The following GRM7 variants were observed in gnomAD, a reference collection of about 807,000 sequenced individuals.
GRM7 encodes the protein glutamate metabotropic receptor 7.
Under a neutral mutation model 84.5 loss-of-function variants are expected in GRM7, and 35 were observed. The ratio of observed to expected loss-of-function variants is 0.41; its 90% confidence interval spans 0.32 to 0.55. The LOEUF is 0.55. Among genes scored for constraint, GRM7 ranks in the 20% least tolerant of loss-of-function variants. GRM7 has a pLI of 0.19. For synonymous variants in GRM7, 487 were observed against 455.1 expected, an observed-to-expected ratio of 1.07 and a Z score of -0.89; for missense variants, 1,003 against 1,194.6, an observed-to-expected ratio of 0.84 and a Z score of 2.36.
chr3:6,867,014 G>A (rs977409733), intron 1 of GRM7, among the ~76,000 whole-genome samples: 3 of 152,202 alleles, frequency 2.0e-5, no homozygotes, highest in Non-Finnish European at 4.4e-5. Context: ...ATATAGTCAA[G>A]TAGATGTGAG....
At chr3:7,045,220 G>A (rs1363442904) in intron 1 of GRM7, among the ~76,000 whole-genome samples, 5 of 152,124 alleles carry the variant, frequency 3.3e-5, no homozygotes, top group African/African-American at 1.2e-4. Flanking sequence ...TTAAAGTGTA[G>A]GTAGTCTAGT....
rs1697143891 is a variant in GRM7, at chr3:6,922,021, G to A, written c.519+60114G>A. Among the ~76,000 whole-genome samples the A allele has an allele frequency of 1.3e-5, 2 of 152,210 alleles. 1 individual carries two copies. The highest frequency in any genetic ancestry group is 4.1e-4 in the South Asian group (2 of 4,836). On this transcript the variant is annotated intron_variant, in intron 1 of 9. Transcript: ENST00000357716. ...GATCACAATTCTTCTTCCAGGAACA[G>A]GTTGGAGGGCCGTGGGGTTAGGTTT... is the stretch of plus-strand genomic sequence containing the variant.
intron 1 of GRM7, among the ~76,000 whole-genome samples, chr3:6,989,475 GGC>G (rs1694552364): frequency 6.6e-6 from 1 of 152,148 alleles, no homozygotes; most frequent in African/African-American, 2.4e-5. Context: ...ATATGTTTAT[GGC>G]TATCATATAT....
At chr3:6,891,623 C>T (rs945926213) in intron 1 of GRM7, among the ~76,000 whole-genome samples, 2 of 152,130 alleles carry the variant, frequency 1.3e-5, no homozygotes, top group African/African-American at 4.8e-5. Context: ...GATGGGCTTC[C>T]CTTTGTGGGT....
chr3:7,695,905 G>C (rs1442867363), intron 9 of GRM7, among the ~76,000 whole-genome samples: 1 of 152,080 alleles, frequency 6.6e-6, no homozygotes, highest in Non-Finnish European at 1.5e-5. Flanking sequence ...GGATACCTGT[G>C]GCTATTTAAA....
At chr3:7,013,568 A>G (rs1395244094) in intron 1 of GRM7, among the ~76,000 whole-genome samples, 2 of 152,136 alleles carry the variant, frequency 1.3e-5, no homozygotes, top group African/African-American at 4.8e-5. Context: ...AATTTTCTTT[A>G]AGTACATATC....
At chr3:7,230,127 C>T (rs1329180807) in intron 2 of GRM7, among the ~76,000 whole-genome samples, 1 of 151,964 alleles carries the variant, frequency 6.6e-6, no homozygotes, top group African/African-American at 2.4e-5. Flanking sequence ...GCATGAGCCA[C>T]CGCGCCTGGC....
chr3:7,089,813 C>T lies in GRM7; in HGVS notation c.520-56639C>T, dbSNP rs142288532. Among the ~76,000 whole-genome samples, 55 of 152,214 alleles carry T rather than the reference C, an allele frequency of 3.6e-4. No individual in the cohort carries two copies. The East Asian group carries it at 5.4e-3, about 15-fold the overall frequency. On this transcript the variant is annotated intron_variant, in intron 1 of 9. Transcript: ENST00000357716. ...TGAGATAGCCCTGACTAGAGTAATG[C>T]GAGAGGATCACATTAAATGATTAAA... is the stretch of plus-strand genomic sequence containing the variant.
intron 7 of GRM7, among the ~76,000 whole-genome samples, chr3:7,550,392 G>T (rs1325427854): frequency 3.7e-5 from 5 of 133,584 alleles, no homozygotes; most frequent in Admixed American, 8.0e-5. Context: ...CCTTTTGCTT[G>T]CTTTCTTTCT....
At chr3:7,453,598 T>A (rs999842165) in intron 6 of GRM7, among the ~76,000 whole-genome samples, 6 of 151,918 alleles carry the variant, frequency 3.9e-5, no homozygotes, top group Non-Finnish European at 8.8e-5. Flanking sequence ...GTCCTGAGAG[T>A]AGGAGTTTCT....
At chr3:7,614,256 C>T (rs572622989) in intron 8 of GRM7, among the ~76,000 whole-genome samples, 1 of 152,142 alleles carries the variant, frequency 6.6e-6, no homozygotes, top group Admixed American at 6.5e-5. Flanking sequence ...CAGAGTGAGA[C>T]TCTGTCTCTA....
chr3:6,910,561 A>G (rs1696732400), intron 1 of GRM7, among the ~76,000 whole-genome samples: 1 of 152,144 alleles, frequency 6.6e-6, no homozygotes, highest in African/African-American at 2.4e-5. Flanking sequence ...CTCCACCTAA[A>G]TACAGTGAGC....
intron 6 of GRM7, among the ~76,000 whole-genome samples, chr3:7,457,694 G>T (rs1360155731): frequency 1.3e-5 from 2 of 152,138 alleles, no homozygotes; most frequent in Non-Finnish European, 2.9e-5. Flanking sequence ...AAGTAGCACT[G>T]TGACTTCTAA....
In GRM7 at chr3:7,556,466, A is replaced by G. The variant is rs6787095; in HGVS notation, c.1516-21956A>G. Among the ~76,000 whole-genome samples the G allele has an allele frequency of 5.8e-3, 876 of 152,294 alleles. 9 individuals carry two copies. The highest frequency in any genetic ancestry group is 0.02 in the African/African-American group (830 of 41,566). On this transcript the variant is annotated intron_variant, in intron 7 of 9. Coordinates refer to ENST00000357716, the MANE Select transcript of GRM7 (RefSeq NM_000844.4). ...ATTTTTGCAGTGCCCAAAAAATTGC[A>G]TGGCACATAGTAAACTATGCTACCT...
rs531827872 is a variant in GRM7, at chr3:6,969,006, A to G, written c.519+107099A>G. 1.8e-4 allele frequency among the ~76,000 whole-genome samples: 28 copies of G among 152,260 alleles called. No individual in the cohort carries two copies. In the East Asian group the frequency reaches 5.4e-3, roughly 29 times the overall value. On this transcript the variant is annotated intron_variant, in intron 1 of 9. Transcript: ENST00000357716. ...TCCTGCCTAACTCACTCCAATTTCA[A>G]TGATGTCATGTTAGTAGCATAAATT... is the stretch of plus-strand genomic sequence containing the variant.
At chr3:7,726,352 C>G (rs1293018355) in intron 9 of GRM7, among the ~76,000 whole-genome samples, 2 of 151,820 alleles carry the variant, frequency 1.3e-5, no homozygotes, top group Admixed American at 6.6e-5. Flanking sequence ...CTACCTATAT[C>G]TTGTTGTTAA....
rs145084437 is a variant in GRM7 at position 7,652,593 on chromosome 3, C to G, written c.2452-27456C>G. On this transcript the variant is annotated intron_variant, in intron 8 of 9. Coordinates refer to ENST00000357716, the MANE Select transcript of GRM7 (RefSeq NM_000844.4). ...AAGGCTGTTGTTAGCCATCAGAAAT[C>G]CTCAGTGCTGAACCTAGATGGGACT... Among the ~76,000 whole-genome samples the G allele has an allele frequency of 2.0e-3, 297 of 152,278 alleles. 2 individuals are homozygous for G. The highest frequency in any genetic ancestry group is 6.0e-3 in the South Asian group (29 of 4,830).
chr3:7,632,601 G>A (rs930393240), intron 8 of GRM7, among the ~76,000 whole-genome samples: 8 of 152,176 alleles, frequency 5.3e-5, no homozygotes, highest in African/African-American at 1.4e-4. Context: ...TGTATTACAT[G>A]TGGATTAATG....
intron 1 of GRM7, among the ~76,000 whole-genome samples, chr3:7,126,928 G>GATTTGT (rs1420030686): frequency 6.6e-6 from 1 of 152,120 alleles, no homozygotes; most frequent in Non-Finnish European, 1.5e-5. Context: ...TTGAGAACAA[G>GATTTGT]GTGCACACAA....
Sources: allele counts gnomAD v4.1 joint callset (sites outside exome capture counted in the v4.1 genomes callset), GRCh38; gene constraint gnomAD v4.1.1; transcripts MANE v1.5; gene names NCBI Gene and HGNC (gene_info 2026-07-23, HGNC 2026-07-21).